CD300E: variants seen among roughly 807,000 people sequenced by gnomAD.
CD300E encodes the protein CD300e molecule, also known as CMRF35-like molecule 2.
Under a neutral mutation model 20.9 loss-of-function variants are expected in CD300E, and 14 were observed. That is an observed-to-expected ratio of 0.67 (90% CI 0.44 to 1.05). The LOEUF is 1.05. Ranked by LOEUF, CD300E falls within the 50% of genes least tolerant of loss-of-function variation. The pLI, the probability that CD300E is intolerant of heterozygous loss-of-function variation, is 0.00. For missense variants in CD300E, 237 were observed against 253.9 expected, an observed-to-expected ratio of 0.93 and a Z score of 0.45; for synonymous variants, 102 against 103.7, an observed-to-expected ratio of 0.98 and a Z score of 0.10.
At chr17:74,613,115 T>A (rs2030821134) in intron 3 of CD300E, among the ~76,000 whole-genome samples, 1 of 152,190 alleles carries the variant, frequency 6.6e-6, no homozygotes, top group Non-Finnish European at 1.5e-5. Context: ...TCGCTTTTTT[T>A]ATTTTCTGAG....
Position 74,611,328 on chromosome 17 carries a change from C to T in CD300E, c.*1325G>A, listed in dbSNP as rs1598146353. The T allele has an allele frequency of 2.6e-5, 4 of 152,378 alleles. No homozygotes were observed. In the South Asian group the frequency reaches 8.3e-4, roughly 32 times the overall value. 9.4% of individuals were successfully genotyped at this position (152,378 alleles called of 1,614,324 possible). On this transcript the variant is annotated 3_prime_UTR_variant, in exon 4 of 4. Transcript: ENST00000392619. ...GCACTCGGCACTCAGAGGGTCACTC[C>T]ATGTGCTCTGGACACTGGCATCACT...
intron 1 of CD300E, chr17:74,619,013 C>T (rs1418526565): frequency 2.2e-6 from 1 of 462,128 alleles, no homozygotes; most frequent in Non-Finnish European, 4.5e-6. Context: ...TTCCCAAATC[C>T]CTGCTCCCCA....
At chr17:74,614,705 C>T (rs879365024) in intron 2 of CD300E, among the ~76,000 whole-genome samples, 1 of 152,180 alleles carries the variant, frequency 6.6e-6, no homozygotes, top group Non-Finnish European at 1.5e-5. Flanking sequence ...TGGTCTCGAA[C>T]TCCTGGCCTC....
At chr17:74,617,522 G>A (rs1313169926) in intron 1 of CD300E, 57 bp from the exon 2 acceptor site, 29 of 1,443,346 alleles carry the variant, frequency 2.0e-5, no homozygotes, top group Middle Eastern at 1.9e-4. Context: ...ATCAGCAGCC[G>A]TCTGTCTGAA....
chr17:74,612,909 C>T, intron 3 of CD300E, 136 bp from the exon 4 acceptor site: 7 of 1,240,974 alleles, frequency 5.6e-6, no homozygotes, highest in Non-Finnish European at 7.7e-6. Flanking sequence ...TATGCCAGGG[C>T]AGCCCCTTCT....
In CD300E at chr17:74,612,421, T is replaced by C. The variant is rs2030803788; in HGVS notation, c.*232A>G. The stretch of plus-strand genomic sequence containing the variant: ...CCAGGGAATTCTTGCCCTTGGGAAG[T>C]GGGCATGAGGGCAGGGAGGCAGGGG... On this transcript the variant is annotated 3_prime_UTR_variant, in exon 4 of 4. Transcript: ENST00000392619. The C allele has an allele frequency of 2.4e-5, 9 of 368,746 alleles. No individual in the cohort carries two copies. In the South Asian group the frequency reaches 4.0e-4, roughly 16 times the overall value. 22.8% of individuals were successfully genotyped at this position (368,746 alleles called of 1,614,324 possible). A position where few individuals can be genotyped will look rare whatever the true frequency, so the allele number is the denominator to read the frequency against.
intron 2 of CD300E, among the ~76,000 whole-genome samples, 160 bp from the exon 3 acceptor site, chr17:74,614,193 C>G (rs889206201): frequency 1.3e-4 from 20 of 152,110 alleles, no homozygotes; most frequent in African/African-American, 4.3e-4. Flanking sequence ...CCCTCAGGGA[C>G]AAAAAGAGCC....
At chr17:74,614,420 A>G (rs1464728809) in intron 2 of CD300E, among the ~76,000 whole-genome samples, 1 of 151,718 alleles carries the variant, frequency 6.6e-6, no homozygotes, top group Non-Finnish European at 1.5e-5. Flanking sequence ...CTGTGGCCCA[A>G]GAAGCCTCGT....
chr17:74,621,352 T>C (rs1040826663), intron 1 of CD300E, among the ~76,000 whole-genome samples: 4 of 152,088 alleles, frequency 2.6e-5, no homozygotes, highest in Non-Finnish European at 5.9e-5. Flanking sequence ...ATAATTAAAA[T>C]AAAAGAGGGT....
intron 1 of CD300E, among the ~76,000 whole-genome samples, chr17:74,618,157 G>T (rs2030947537): frequency 6.6e-6 from 1 of 152,232 alleles, no homozygotes; most frequent in South Asian, 2.1e-4. Context: ...GTGGGGTTTA[G>T]AATCTGGGAG....
In CD300E at chr17:74,617,168, T is replaced by C. The variant is rs990389309; in HGVS notation, c.338A>G (p.Asp113Gly). ...GTCCGAGGGATCGCGTGACCATGAA[T>C]CCAGGACCCACACTGTCTGAATTTT... Reference protein sequence around the residue: ...WCKIQTVWVLDSWSRDPSDLV... With the variant: ...WCKIQTVWVLGSWSRDPSDLV... The change falls in exon 2 of 4, where the codon GAT (aspartate) becomes GGT (glycine). Residue 113 changes from aspartate to glycine, a missense_variant. Transcript: ENST00000392619. 1.2e-6 allele frequency: 2 copies of C among 1,614,166 alleles called. No homozygotes were observed. The highest frequency in any genetic ancestry group is 2.7e-5 in the African/African-American group (2 of 75,022).
intron 1 of CD300E, among the ~76,000 whole-genome samples, chr17:74,621,048 A>G (rs2031011073): frequency 6.6e-6 from 1 of 152,162 alleles, no homozygotes; most frequent in Non-Finnish European, 1.5e-5. Flanking sequence ...CTCTCGAAAA[A>G]AAAAGAAGAA....
chr17:74,616,654 T>C (rs1030443951), intron 2 of CD300E, among the ~76,000 whole-genome samples: 2 of 152,100 alleles, frequency 1.3e-5, no homozygotes, highest in Admixed American at 6.5e-5. Context: ...CACGGCTCCA[T>C]GGCCCTCTAG....
chr17:74,614,475 CTTTTT>C (rs151029563), intron 2 of CD300E, among the ~76,000 whole-genome samples: 2 of 113,338 alleles, frequency 1.8e-5, no homozygotes, highest in African/African-American at 3.7e-5. Context: ...TGTGGACACT[CTTTTT>C]TTTTTTTTTT....
At chr17:74,618,350 T>C (rs1361617530) in intron 1 of CD300E, among the ~76,000 whole-genome samples, 1 of 152,156 alleles carries the variant, frequency 6.6e-6, no homozygotes, top group Non-Finnish European at 1.5e-5. Flanking sequence ...CACGTGTGTG[T>C]GGGTGTGAGA....
rs762684518 is a variant in CD300E, at chr17:74,612,453, G to A, written c.*200C>T. The A allele has an allele frequency of 3.7e-6, 2 of 537,152 alleles. No individual in the cohort carries two copies. Among genetic ancestry groups the A allele is most frequent in the Non-Finnish European group, 6.3e-6 (2 of 318,700 alleles). 33.3% of individuals were successfully genotyped at this position (537,152 alleles called of 1,614,324 possible). ...GAGGGCAGGGAGGCAGGGGACTGGG[G>A]AGGAGAAAGGAGGACCCCCAAGCTG... On this transcript the variant is annotated 3_prime_UTR_variant, in exon 4 of 4. Coordinates refer to ENST00000392619, the MANE Select transcript of CD300E (RefSeq NM_181449.3).
rs1358989456 is a variant in CD300E at position 74,617,394 on chromosome 17, A to G, written c.112T>C (p.Tyr38His). The part of the protein sequence containing the change: ...AGDSLTVWCQ[Y>H]ESMYKGYNKY... ...TTATATCCCTTGTACATGCTCTCAT[A>G]CTGACACCACACTGTCAGAGAGTCC... Residue 38 changes from tyrosine (Y) to histidine (H), a missense_variant, in exon 2 of 4, where the codon TAT becomes CAT. By Grantham distance (83) the Tyr-to-His change is moderately conservative. Coordinates refer to ENST00000392619, the MANE Select transcript of CD300E (RefSeq NM_181449.3). The G allele has an allele frequency of 6.2e-7, 1 of 1,613,892 alleles. No individual in the cohort carries two copies. Among genetic ancestry groups the G allele is most frequent in the Non-Finnish European group, 8.5e-7 (1 of 1,180,020 alleles).
intron 2 of CD300E, among the ~76,000 whole-genome samples, chr17:74,615,103 C>A (rs1382778434): frequency 1.3e-5 from 2 of 152,200 alleles, no homozygotes; most frequent in Non-Finnish European, 1.5e-5. Flanking sequence ...CTGGAAGCAG[C>A]CCTGGGAAGG....
At chr17:74,618,447 C>T (rs1035226510) in intron 1 of CD300E, among the ~76,000 whole-genome samples, 7 of 152,104 alleles carry the variant, frequency 4.6e-5, no homozygotes, top group East Asian at 1.9e-4. Context: ...GATGAATACG[C>T]GCAGGGGCCA....
Sources: allele counts gnomAD v4.1 joint callset (sites outside exome capture counted in the v4.1 genomes callset), GRCh38; gene constraint gnomAD v4.1.1; transcripts MANE v1.5; gene names NCBI Gene and HGNC (gene_info 2026-07-23, HGNC 2026-07-21).